Variants in DCHS2 observed in about 807,000 individuals in gnomAD.
DCHS2 encodes dachsous cadherin-related 2, also known as protocadherin-23.
Under a neutral mutation model 182.4 loss-of-function variants are expected in DCHS2, and 142 were observed. That is an observed-to-expected ratio of 0.78 (90% CI 0.68 to 0.89). DCHS2 has a LOEUF of 0.89. Among genes scored for constraint, DCHS2 ranks in the 40% least tolerant of loss-of-function variants. DCHS2 has a pLI of 0.00. For missense variants in DCHS2, 4,319 were observed against 4,198.6 expected (o/e 1.03, Z -0.79); for synonymous variants, 1,740 against 1,663.3 (o/e 1.05, Z -1.12).
chr4:154,344,349 A>G (rs1357561203), intron 3 of DCHS2, among the ~76,000 whole-genome samples: 1 of 152,222 alleles, frequency 6.6e-6, no homozygotes, highest in Non-Finnish European at 1.5e-5. Context: ...ACTATCTGTG[A>G]AGCACAATGA....
intron 14 of DCHS2, among the ~76,000 whole-genome samples, chr4:154,266,443 A>G (rs922561741): frequency 1.3e-5 from 2 of 152,042 alleles, no homozygotes; most frequent in Non-Finnish European, 1.5e-5. Flanking sequence ...GATCACGAGG[A>G]CAGGAGATCG....
rs1301162221 is a variant in DCHS2 at position 154,288,313 on chromosome 4, T to C, written c.6463+9538A>G. Among the ~76,000 whole-genome samples the C allele has an allele frequency of 3.3e-5, 5 of 152,062 alleles. No individual in the cohort carries two copies. In the South Asian group the frequency reaches 1.0e-3, roughly 31 times the overall value. On this transcript the variant is annotated intron_variant, in intron 13 of 19. Coordinates refer to ENST00000357232, the MANE Select transcript of DCHS2 (RefSeq NM_001358235.2). ...ATACAATAGATTTCAACACAAAAAC[T>C]ATATAGACAAGGAAGGTCATTATGC...
At chr4:154,446,724 A>C (rs754037039) in intron 1 of DCHS2, among the ~76,000 whole-genome samples, 21 of 152,162 alleles carry the variant, frequency 1.4e-4, no homozygotes, top group Admixed American at 3.3e-4. Flanking sequence ...GCCTCTCCTG[A>C]CATTTGGAAA....
At chr4:154,257,179 C>A (rs774307103) in intron 15 of DCHS2, among the ~76,000 whole-genome samples, 2 of 151,942 alleles carry the variant, frequency 1.3e-5, no homozygotes, top group African/African-American at 2.4e-5. Flanking sequence ...ACCTGGGAGG[C>A]GGAGGTTGCA....
chr4:154,335,615 G>A (rs1017438561), intron 3 of DCHS2, among the ~76,000 whole-genome samples: 6 of 152,054 alleles, frequency 3.9e-5, no homozygotes, highest in Non-Finnish European at 7.4e-5. Context: ...GCAGATCTTG[G>A]GACTTGCCAG....
At chr4:154,395,487 T>C (rs1024677140) in intron 1 of DCHS2, among the ~76,000 whole-genome samples, 5 of 152,194 alleles carry the variant, frequency 3.3e-5, no homozygotes, top group Non-Finnish European at 7.4e-5. Context: ...ATCTCCTGGA[T>C]TGCTCCGCCA....
At chr4:154,431,459 C>A (rs1298529517) in intron 1 of DCHS2, among the ~76,000 whole-genome samples, 1 of 151,948 alleles carries the variant, frequency 6.6e-6, no homozygotes, top group Non-Finnish European at 1.5e-5. Context: ...TATCACACAT[C>A]TTTTGTTAGA....
chr4:154,236,021 C>G lies in DCHS2; in HGVS notation c.8631G>C (p.Glu2877Asp), dbSNP rs1030289940. 6.2e-7 allele frequency: 1 copy of G among 1,613,888 alleles called. No homozygotes were observed. The part of the protein sequence containing the change: ...WVDIEGIDEF[E>D]PIFTQDQYFF... ...AATACTGATCTTGAGTGAAAATGGG[C>G]TCAAATTCATCTATCCCTTCAATAT... The change falls in exon 20 of 20, where the codon GAG becomes GAC. Residue 2877 changes from glutamate (E) to aspartate (D), a missense_variant. Coordinates refer to ENST00000357232, the MANE Select transcript of DCHS2 (RefSeq NM_001358235.2).
chr4:154,332,822 T>TCTACG lies in DCHS2; in HGVS notation c.3381_3385dup (p.Asp1129AlafsTer2), dbSNP rs1381081676. The TCTACG allele has an allele frequency of 6.2e-7, 1 of 1,614,070 alleles. No individual in the cohort carries two copies. The highest frequency in any genetic ancestry group is 8.5e-7 in the Non-Finnish European group (1 of 1,180,000). On this transcript the variant is annotated stop_gained and frameshift_variant, in exon 5 of 20. Transcript: ENST00000357232. LOFTEE classifies it high-confidence loss of function. ...AGGGCGGATTCCAAACATAGCAGAG[T>TCTACG]CTACGCTGGGTTCCAGCGAGTACCT...
intron 16 of DCHS2, among the ~76,000 whole-genome samples, chr4:154,245,338 A>T (rs1732023308): frequency 6.6e-6 from 1 of 152,190 alleles, no homozygotes; most frequent in African/African-American, 2.4e-5. Flanking sequence ...GATTTAGAAC[A>T]GGCCCATTCT....
At chr4:154,355,434 T>A (rs756701456) in intron 3 of DCHS2, among the ~76,000 whole-genome samples, 1 of 152,220 alleles carries the variant, frequency 6.6e-6, no homozygotes, top group African/African-American at 2.4e-5. Context: ...TCCTGCCCCT[T>A]TCCCAGAAAA....
chr4:154,398,270 G>T (rs968982861), intron 1 of DCHS2, among the ~76,000 whole-genome samples: 1 of 152,196 alleles, frequency 6.6e-6, no homozygotes, highest in African/African-American at 2.4e-5. Context: ...TAGAAAAGAG[G>T]AGTTTGAATC....
intron 1 of DCHS2, among the ~76,000 whole-genome samples, chr4:154,411,172 AT>A (rs1732615587): frequency 2.0e-5 from 3 of 152,374 alleles, no homozygotes; most frequent in African/African-American, 7.2e-5. Context: ...TATATGCAAA[AT>A]CCTTTTTTAA....
rs182409911 is a variant in DCHS2 at position 154,421,002 on chromosome 4, C to T, written c.2053-43558G>A. On this transcript the variant is annotated intron_variant, in intron 1 of 19. Transcript: ENST00000357232. The stretch of plus-strand genomic sequence containing the variant: ...ACTACTGCATATAATATATACACTA[C>T]CATCATTGGAAAAAAAAGGCTCAGA... Among the ~76,000 whole-genome samples, 143 of 152,146 alleles carry T rather than the reference C, an allele frequency of 9.4e-4. 1 individual carries two copies. The highest frequency in any genetic ancestry group is 3.0e-3 in the African/African-American group (124 of 41,516).
At chr4:154,441,946 T>C (rs916716084) in intron 1 of DCHS2, among the ~76,000 whole-genome samples, 1 of 152,138 alleles carries the variant, frequency 6.6e-6, no homozygotes, top group Non-Finnish European at 1.5e-5. Flanking sequence ...CTGAGCTTTG[T>C]TTTGCCTCTA....
chr4:154,303,699 G>T (rs1405851087), intron 12 of DCHS2, among the ~76,000 whole-genome samples: 3 of 152,118 alleles, frequency 2.0e-5, no homozygotes, highest in African/African-American at 7.2e-5. Context: ...AGGTGTCCTG[G>T]TATTGAAGAA....
At chr4:154,315,246 C>T (rs539362668) in intron 10 of DCHS2, among the ~76,000 whole-genome samples, 2 of 152,222 alleles carry the variant, frequency 1.3e-5, no homozygotes, top group Admixed American at 1.3e-4. Flanking sequence ...ATCTCCATAT[C>T]ACAGATAAGT....
intron 1 of DCHS2, among the ~76,000 whole-genome samples, chr4:154,444,930 C>A (rs184267008): frequency 9.2e-5 from 14 of 152,276 alleles, no homozygotes; most frequent in Non-Finnish European, 2.1e-4. Flanking sequence ...AGTGTTTGCG[C>A]TTTACTTGCT....
intron 10 of DCHS2, 123 bp from the exon 11 acceptor site, chr4:154,305,354 C>G (rs536498887): frequency 1.4e-4 from 176 of 1,220,596 alleles, no homozygotes; most frequent in Non-Finnish European, 1.8e-4. Context: ...TCTCAAACAG[C>G]CTTTAAATTA....
Sources: gnomAD v4.1 joint callset for allele counts (sites outside exome capture counted in the v4.1 genomes callset) on GRCh38, gnomAD v4.1.1 for gene constraint, MANE v1.5 for transcripts, NCBI Gene and HGNC (gene_info 2026-07-23, HGNC 2026-07-21) for gene names.